The following CAB39 variants were observed in gnomAD, a reference collection of about 807,000 sequenced individuals.
CAB39 encodes the protein calcium-binding protein 39.
CAB39 carries 8 observed loss-of-function variants against 40.0 expected under a neutral mutation model. The observed-to-expected ratio is 0.20, with a 90% CI of 0.12 to 0.36. The LOEUF (loss-of-function observed/expected upper bound fraction) is 0.36, where lower values mean the gene tolerates loss of function less well. CAB39 is among the 10% of genes least tolerant of loss of function. The probability of loss-of-function intolerance (pLI) is 1.00; values close to 1 mark genes in which losing one functional copy is unlikely to be tolerated. For synonymous variants in CAB39, 156 were observed against 141.6 expected (o/e 1.10, Z -0.72); for missense variants, 270 against 401.1 (o/e 0.67, Z 2.79).
rs766596881 is a variant in CAB39 at position 230,793,241 on chromosome 2, A to G, written c.308A>G (p.Asn103Ser). Residue 103 changes from asparagine to serine, a missense_variant, in exon 4 of 9, where the codon AAC becomes AGC. Coordinates refer to ENST00000258418, the MANE Select transcript of CAB39 (RefSeq NM_016289.4). ...EGKKDVAQIF[N>S]NILRRQIGTR... ...AAAAAAGACGTGGCTCAAATTTTCA[A>G]CAATATTCTCAGAAGACAAATTGGT... 3 of 1,612,048 alleles carry G rather than the reference A, an allele frequency of 1.9e-6. No homozygotes were observed. Among genetic ancestry groups the G allele is most frequent in the East Asian group, 2.2e-5 (1 of 44,790 alleles).
chr2:230,792,188 T>C (rs1237914327), intron 3 of CAB39, among the ~76,000 whole-genome samples: 1 of 152,234 alleles, frequency 6.6e-6, no homozygotes, highest in Non-Finnish European at 1.5e-5. Flanking sequence ...GTATTTTTAA[T>C]AATGTATCAA....
intron 5 of CAB39, among the ~76,000 whole-genome samples, chr2:230,806,834 G>T (rs1433719605): frequency 1.3e-5 from 2 of 152,310 alleles, no homozygotes; most frequent in East Asian, 3.9e-4. Context: ...AGTAGGAAAT[G>T]GGGCCAAATG....
chr2:230,772,502 T>G (rs1473445168), intron 2 of CAB39, among the ~76,000 whole-genome samples: 23 of 151,782 alleles, frequency 1.5e-4, no homozygotes, highest in Non-Finnish European at 2.2e-4. Flanking sequence ...TTTTTTTTTT[T>G]GAGACGAAGT....
chr2:230,798,170 G>A (rs547942948), intron 4 of CAB39, among the ~76,000 whole-genome samples: 1 of 152,234 alleles, frequency 6.6e-6, no homozygotes, highest in African/African-American at 2.4e-5. Flanking sequence ...CTCTCTGATG[G>A]GGACACTTTG....
At chr2:230,764,083 C>G (rs1003072877) in intron 2 of CAB39, among the ~76,000 whole-genome samples, 1 of 151,840 alleles carries the variant, frequency 6.6e-6, no homozygotes. Context: ...GATCGTGCCT[C>G]TGTACTCCAG....
rs374922292 is a variant in CAB39 at position 230,727,526 on chromosome 2, C to T, written c.-44+14296C>T. On this transcript the variant is annotated intron_variant, in intron 1 of 8. Transcript: ENST00000258418. ...ACCTTCTGGGCTTGAGTGATCCTCC[C>T]TCCTCAGCTTCCTGAGTGGCTGGGA... is the stretch of plus-strand genomic sequence containing the variant. Among the ~76,000 whole-genome samples the T allele has an allele frequency of 9.2e-5, 14 of 151,568 alleles. No individual in the cohort carries two copies. In the East Asian group the frequency reaches 1.6e-3, roughly 17 times the overall value.
chr2:230,733,937 T>G (rs1239228698), intron 1 of CAB39, among the ~76,000 whole-genome samples: 1 of 152,240 alleles, frequency 6.6e-6, no homozygotes, highest in Non-Finnish European at 1.5e-5. Context: ...TTTTTACACT[T>G]TAATTTTTTT....
chr2:230,812,145 G>A (rs572172603), intron 6 of CAB39, among the ~76,000 whole-genome samples: 1 of 152,324 alleles, frequency 6.6e-6, no homozygotes, highest in African/African-American at 2.4e-5. Context: ...GACAGTATTT[G>A]TAGAGTAAAA....
At chr2:230,795,822 C>T (rs964190133) in intron 4 of CAB39, among the ~76,000 whole-genome samples, 1 of 152,064 alleles carries the variant, frequency 6.6e-6, no homozygotes, top group African/African-American at 2.4e-5. Flanking sequence ...AAAATAGTCT[C>T]ATTTTTTAGT....
chr2:230,809,877 G>C (rs182431210), intron 5 of CAB39, among the ~76,000 whole-genome samples: 198 of 152,224 alleles, frequency 1.3e-3, no homozygotes, highest in Non-Finnish European at 2.2e-3. Context: ...CTAAGTGGGC[G>C]TGGAATTGTT....
At chr2:230,757,559 C>A (rs552146809) in intron 1 of CAB39, among the ~76,000 whole-genome samples, 2 of 152,198 alleles carry the variant, frequency 1.3e-5, no homozygotes, top group Admixed American at 6.5e-5. Context: ...TCTGCTGTAA[C>A]CAACTTTTGG....
At chr2:230,804,790 CTG>C (rs1321715475) in intron 5 of CAB39, among the ~76,000 whole-genome samples, 1 of 152,194 alleles carries the variant, frequency 6.6e-6, no homozygotes, top group Non-Finnish European at 1.5e-5. Context: ...CACTTTTACA[CTG>C]TTGGTGGGCG....
At chr2:230,728,678 T>C (rs1466813560) in intron 1 of CAB39, among the ~76,000 whole-genome samples, 2 of 152,158 alleles carry the variant, frequency 1.3e-5, no homozygotes, top group African/African-American at 4.8e-5. Flanking sequence ...GGCGCAATCA[T>C]AGTTTACTGT....
At chr2:230,778,359 C>T (rs1460328915) in intron 2 of CAB39, among the ~76,000 whole-genome samples, 2 of 152,196 alleles carry the variant, frequency 1.3e-5, no homozygotes, top group East Asian at 3.8e-4. Flanking sequence ...GCTGTGAGTA[C>T]TTCAAGGACA....
chr2:230,769,434 T>TTATA (rs1559604020), intron 2 of CAB39, among the ~76,000 whole-genome samples: 2 of 152,108 alleles, frequency 1.3e-5, no homozygotes, highest in Non-Finnish European at 2.9e-5. Context: ...TATAGAACAC[T>TTATA]CAACAACTGT....
intron 2 of CAB39, among the ~76,000 whole-genome samples, chr2:230,780,283 T>TTC: frequency 2.0e-5 from 3 of 152,326 alleles, no homozygotes; most frequent in African/African-American, 7.2e-5. Context: ...AAGAGTGCCT[T>TTC]TCACCCAGCC....
Position 230,818,886 on chromosome 2 carries a change from C to T in CAB39, c.*182C>T, listed in dbSNP as rs1575968745. 7.4e-6 allele frequency: 4 copies of T among 540,238 alleles called. No homozygotes were observed. In the East Asian group the frequency reaches 9.7e-5, roughly 13 times the overall value. 33.5% of individuals were successfully genotyped at this position (540,238 alleles called of 1,614,324 possible). Reference sequence around the variant, plus strand: ...GATCGTAGCTGCTGCTGCTTGCACACTAGGGCACATGTGGGCTTTCTCTTG... The same window carrying T: ...GATCGTAGCTGCTGCTGCTTGCACATTAGGGCACATGTGGGCTTTCTCTTG... On this transcript the variant is annotated 3_prime_UTR_variant, in exon 9 of 9. Coordinates refer to ENST00000258418, the MANE Select transcript of CAB39 (RefSeq NM_016289.4).
intron 1 of CAB39, among the ~76,000 whole-genome samples, chr2:230,730,764 C>T (rs1694674240): frequency 6.6e-6 from 1 of 152,008 alleles, no homozygotes; most frequent in Non-Finnish European, 1.5e-5. Flanking sequence ...ATATGAATAT[C>T]CATTGGATGA....
intron 2 of CAB39, among the ~76,000 whole-genome samples, chr2:230,766,678 G>A (rs1346924164): frequency 6.6e-6 from 1 of 152,216 alleles, no homozygotes; most frequent in African/African-American, 2.4e-5. Context: ...ACAAGCATGT[G>A]CCACCATGTT....
Sources: gnomAD v4.1 joint callset for allele counts (sites outside exome capture counted in the v4.1 genomes callset) on GRCh38, gnomAD v4.1.1 for gene constraint, MANE v1.5 for transcripts, NCBI Gene and HGNC (gene_info 2026-07-23, HGNC 2026-07-21) for gene names.